Variants in HERC2 observed in about 807,000 individuals in gnomAD.
HERC2 encodes the protein E3 ubiquitin-protein ligase HERC2.
Under a neutral mutation model 537.7 loss-of-function variants are expected in HERC2, and 102 were observed. The ratio of observed to expected loss-of-function variants is 0.19; its 90% CI spans 0.16 to 0.22. The LOEUF (loss-of-function observed/expected upper bound fraction) is 0.22. HERC2 is among the 10% of genes least tolerant of loss of function. HERC2 has a pLI of 1.00. For missense variants in HERC2, 4,236 were observed against 6,198.2 expected, an observed-to-expected ratio of 0.68 and a Z score of 10.63; for synonymous variants, 2,224 against 2,466.2, an observed-to-expected ratio of 0.90 and a Z score of 2.91.
intron 20 of HERC2, 69 bp downstream of exon 20, chr15:28,254,271 G>GA (rs1312974163): frequency 2.6e-6 from 3 of 1,151,488 alleles, no homozygotes; most frequent in Admixed American, 2.6e-5. Context: ...CAACAAGAGC[G>GA]AACTCTGTCA....
chr15:28,140,428 G>T (rs1368763302), intron 78 of HERC2, among the ~76,000 whole-genome samples: 1 of 152,190 alleles, frequency 6.6e-6, no homozygotes, highest in Non-Finnish European at 1.5e-5. Context: ...GAAGATACAA[G>T]AAATCTTCAC....
chr15:28,127,374 G>A (rs1218505422), intron 83 of HERC2, among the ~76,000 whole-genome samples: 1 of 152,214 alleles, frequency 6.6e-6, no homozygotes, highest in Admixed American at 6.5e-5. Flanking sequence ...GGTTATGCAC[G>A]GGGGGAGTGG....
At position 28,228,257 on chromosome 15, in the gene HERC2, C is replaced by G; in HGVS notation, c.5425G>C (p.Gly1809Arg). ...GCCGTCTGCGTGAGGGCCAGCATGC[C>G]GGAATTGAGCAGAAGGTCGAGGTTG... Reference protein sequence around the residue: ...ANNLDLLLNSGMLALTQTALR... With the variant: ...ANNLDLLLNSRMLALTQTALR... Residue 1809 changes from glycine to arginine, a missense_variant, in exon 35 of 93, where the codon GGC becomes CGC. Around this residue, in one of 27 missense-constraint regions of HERC2, gnomAD observed 343 missense variants for 417.2 expected, o/e 0.82. Transcript: ENST00000261609. 1 of 1,613,676 alleles carries G rather than the reference C, an allele frequency of 6.2e-7. No homozygotes were observed. Among genetic ancestry groups the G allele is most frequent in the Non-Finnish European group, 8.5e-7 (1 of 1,179,872 alleles).
chr15:28,254,298 T>C (rs763393671), intron 20 of HERC2, 42 bp downstream of exon 20: 1 of 1,397,682 alleles, frequency 7.2e-7, no homozygotes, highest in Non-Finnish European at 9.7e-7. Flanking sequence ...CAAAAAAAAG[T>C]AAATAAATAA....
chr15:28,280,457 ACT>A (rs1229586492), intron 4 of HERC2, among the ~76,000 whole-genome samples, 170 bp from the exon 5 acceptor site: 28 of 152,306 alleles, frequency 1.8e-4, no homozygotes, highest in African/African-American at 6.3e-4. Flanking sequence ...CACACCCAGC[ACT>A]GTCAAGCAGT....
At position 28,265,724 on chromosome 15, in the gene HERC2, A is replaced by C; in HGVS notation, c.1764T>G (p.Ser588Arg). 6.2e-7 allele frequency: 1 copy of C among 1,614,004 alleles called. No homozygotes were observed. Among genetic ancestry groups the C allele is most frequent in the Non-Finnish European group, 8.5e-7 (1 of 1,179,980 alleles). Residue 588 changes from serine to arginine, a missense_variant, in exon 14 of 93, where the codon AGT (serine) becomes AGG (arginine). Ser to Arg is a moderately radical substitution (Grantham distance 110). Around this residue, in one of 27 missense-constraint regions of HERC2, gnomAD observed 754 missense variants for 1,085.0 expected, o/e 0.69. Coordinates refer to ENST00000261609, the MANE Select transcript of HERC2 (RefSeq NM_004667.6). This position sits in a 1 kb window ranked among gnomAD's most constrained non-coding sequence, Gnocchi z 4.0. ...GNYGRLGHGS[S>R]EDEAIPMLVA... is the part of the protein sequence containing the mutation. ...CCAGCATCGGAATGGCCTCGTCCTC[A>C]CTGGAGCCTTCAAACAGATAGGACG...
At position 28,143,024 on chromosome 15, in the gene HERC2, G is replaced by A. The variant is rs138555162; in HGVS notation, c.11419-72C>T. 4.9e-4 allele frequency: 715 copies of A among 1,456,836 alleles called. 1 individual carries two copies. The highest frequency in any genetic ancestry group is 3.8e-3 in the African/African-American group (270 of 70,630). 90.2% of individuals were successfully genotyped at this position (1,456,836 alleles called of 1,614,324 possible). Reference sequence around the variant, plus strand: ...GGGAGGCTGACCATTTGTTTCTACCGTCAAATGTTTTATTATGTTGGTACT... The same window carrying A: ...GGGAGGCTGACCATTTGTTTCTACCATCAAATGTTTTATTATGTTGGTACT... On this transcript the variant is annotated intron_variant, in intron 74 of 92. Transcript: ENST00000261609.
intron 72 of HERC2, 138 bp downstream of exon 72, chr15:28,144,535 G>T: frequency 8.5e-7 from 1 of 1,177,520 alleles, no homozygotes; most frequent in Non-Finnish European, 1.2e-6. Context: ...CCTCAGCAGG[G>T]CCTGTGAGAG....
chr15:28,255,886 T>C lies in HERC2; in HGVS notation c.2857A>G (p.Thr953Ala), dbSNP rs1392490137. 2 of 1,600,320 alleles carry C rather than the reference T, an allele frequency of 1.2e-6. No homozygotes were observed. The highest frequency in any genetic ancestry group is 1.7e-6 in the Non-Finnish European group (2 of 1,179,768). The change falls in exon 19 of 93, where the codon ACT (threonine) becomes GCT (alanine). Residue 953 changes from threonine (T) to alanine (A), a missense_variant. By Grantham distance (58) the Thr-to-Ala change is moderately conservative. Around this residue, in one of 27 missense-constraint regions of HERC2, gnomAD observed 754 missense variants for 1,085.0 expected, o/e 0.69. Transcript: ENST00000261609. ...GLESALHAAI[T>A]AEIQDIEAKK... is the part of the protein sequence containing the mutation. ...CAAAGCCATACCTGGATCTCTGCAGTAATGGCTGCGTGTAAGGCTGACTCC... is the reference window on the plus strand; with the variant it reads ...CAAAGCCATACCTGGATCTCTGCAGCAATGGCTGCGTGTAAGGCTGACTCC...
chr15:28,121,293 G>T, intron 86 of HERC2, 53 bp downstream of exon 86: 1 of 1,527,182 alleles, frequency 6.5e-7, no homozygotes, highest in Non-Finnish European at 9.1e-7. Context: ...AGGTACCCAC[G>T]AAAGCATCAC....
intron 3 of HERC2, among the ~76,000 whole-genome samples, chr15:28,298,218 A>G (rs1419989051): frequency 2.6e-4 from 38 of 147,998 alleles, no homozygotes; most frequent in African/African-American, 8.7e-4. Flanking sequence ...CAGTAGCACA[A>G]TATCTGCTCA....
chr15:28,271,945 C>T lies in HERC2; in HGVS notation c.1083+270G>A, dbSNP rs542113965. 8.3e-6 allele frequency: 4 copies of T among 480,688 alleles called. No individual in the cohort carries two copies. In the Admixed American group the frequency reaches 1.5e-4, roughly 18 times the overall value. The allele number at this position is 480,688 out of a possible 1,614,324, so 29.8% of individuals were successfully genotyped here. ...ACATAGGAAGGACCAACAAAGCAGGCCGCTATTTTCGTTGTTCTTTTCTGG... is the reference window on the plus strand; with the variant it reads ...ACATAGGAAGGACCAACAAAGCAGGTCGCTATTTTCGTTGTTCTTTTCTGG... On this transcript the variant is annotated intron_variant, in intron 9 of 92. Coordinates refer to ENST00000261609, the MANE Select transcript of HERC2 (RefSeq NM_004667.6).
chr15:28,238,068 G>A (rs777313415), intron 25 of HERC2, 46 bp downstream of exon 25: 2 of 1,038,900 alleles, frequency 1.9e-6, no homozygotes, highest in South Asian at 1.3e-5. Flanking sequence ...ACACACAGAG[G>A]GTATCCCCTG....
At chr15:28,150,713 G>A (rs1415301188) in intron 70 of HERC2, among the ~76,000 whole-genome samples, 1 of 146,308 alleles carries the variant, frequency 6.8e-6, no homozygotes, top group African/African-American at 2.6e-5. Flanking sequence ...AAAAACACAC[G>A]CGGCTTCTAA....
At position 28,265,318 on chromosome 15, in the gene HERC2, A is replaced by C; in HGVS notation, c.1870+300T>G. 6.6e-6 allele frequency among the ~76,000 whole-genome samples: 1 copy of C among 152,240 alleles called. No homozygotes were observed. The highest frequency in any genetic ancestry group is 6.5e-5 in the Admixed American group (1 of 15,286). On this transcript the variant is annotated intron_variant, in intron 14 of 92. Coordinates refer to ENST00000261609, the MANE Select transcript of HERC2 (RefSeq NM_004667.6). The surrounding 1 kb of genome is among the most constrained non-coding windows in gnomAD (Gnocchi z 4.0). ...GGGAATCAAGAGTGGCCGAACGTTA[A>C]GAAATGTAATAATACTAACCAGAGA...
chr15:28,284,927 A>C (rs2076116839), intron 4 of HERC2, among the ~76,000 whole-genome samples: 1 of 142,730 alleles, frequency 7.0e-6, no homozygotes, highest in Non-Finnish European at 1.5e-5. Flanking sequence ...CGGAAAAAAA[A>C]AAAAAAAAAA....
chr15:28,309,498 C>A (rs368864433), intron 2 of HERC2, among the ~76,000 whole-genome samples: 179 of 152,176 alleles, frequency 1.2e-3, no homozygotes, highest in African/African-American at 3.8e-3. Context: ...TTGTGATTTC[C>A]ATTTACCTCT....
In HERC2 at chr15:28,124,028, C is replaced by T. The variant is rs1367995515; in HGVS notation, c.13188+9G>A. The T allele has an allele frequency of 6.4e-7, 1 of 1,570,016 alleles. No individual in the cohort carries two copies. Among genetic ancestry groups the T allele is most frequent in the South Asian group, 1.2e-5 (1 of 84,324 alleles). ...GTTTCCCCTAGAGCAAAGATTGCCA[C>T]TTGAATACCTTTCCCTGGGATATCA... is the stretch of plus-strand genomic sequence containing the variant. On this transcript the variant is annotated intron_variant, in intron 85 of 92. Transcript: ENST00000261609.
rs186294487 is a variant in HERC2 at position 28,222,673 on chromosome 15, G to A, written c.5465-458C>T. Among the ~76,000 whole-genome samples, 108 of 152,098 alleles carry A rather than the reference G, an allele frequency of 7.1e-4. 1 individual carries two copies. The highest frequency in any genetic ancestry group is 2.4e-3 in the African/African-American group (101 of 41,500). On this transcript the variant is annotated intron_variant, in intron 35 of 92. Coordinates refer to ENST00000261609, the MANE Select transcript of HERC2 (RefSeq NM_004667.6). ...ACAGGGTTGCTGCAGGCTGGCCCTCGGCTGGAGTCTGGATCTCAGGAGGGC... is the reference window on the plus strand; with the variant it reads ...ACAGGGTTGCTGCAGGCTGGCCCTCAGCTGGAGTCTGGATCTCAGGAGGGC...
Sources: gnomAD v4.1 joint callset for allele counts (sites outside exome capture counted in the v4.1 genomes callset) on GRCh38, gnomAD v4.1.1 for gene constraint, gnomAD v4.1.1 regional missense constraint, Gnocchi (gnomAD v3.1) non-coding constraint, MANE v1.5 for transcripts, NCBI Gene and HGNC (gene_info 2026-07-23, HGNC 2026-07-21) for gene names.